The following CTPS1 variants were observed in gnomAD, a reference collection of about 807,000 sequenced individuals.
CTPS1 encodes CTP synthetase 1.
Under a neutral mutation model 80.5 loss-of-function variants are expected in CTPS1, and 25 were observed. The observed-to-expected ratio is 0.31, with a 90% CI of 0.23 to 0.43. The LOEUF is 0.43. Among genes scored for constraint, CTPS1 ranks in the 20% least tolerant of loss-of-function variants. The pLI, the probability that CTPS1 is intolerant of heterozygous loss-of-function variation, is 1.00. For synonymous variants in CTPS1, 267 were observed against 252.5 expected (o/e 1.06, Z -0.54); for missense variants, 442 against 725.7 (o/e 0.61, Z 4.49).
chr1:41,002,842 T>TG (rs1642936409), intron 11 of CTPS1, among the ~76,000 whole-genome samples: 1 of 152,130 alleles, frequency 6.6e-6, no homozygotes, highest in South Asian at 2.1e-4. Flanking sequence ...AGACCCTGTC[T>TG]GGGGGGAAAA....
intron 5 of CTPS1, among the ~76,000 whole-genome samples, chr1:40,990,188 CTG>C (rs934252703): frequency 1.8e-4 from 28 of 152,298 alleles, no homozygotes; most frequent in African/African-American, 6.3e-4. Flanking sequence ...GTGGCAGAGA[CTG>C]TGTGGCCCAC....
rs372743741 is a variant in CTPS1 at position 40,997,401 on chromosome 1, C to T, written c.880C>T (p.Arg294Cys). 24 of 1,613,166 alleles carry T rather than the reference C, an allele frequency of 1.5e-5. No homozygotes were observed. Among genetic ancestry groups the T allele is most frequent in the African/African-American group, 9.3e-5 (7 of 74,952 alleles). The stretch of plus-strand genomic sequence containing the variant: ...TTGACGTTTATTTGATAGATATGAT[C>T]GCTTGCTGGAGACCTGCTCTATTGC... The part of the protein sequence containing the change: ...KWKEMADRYD[R>C]LLETCSIALV... Residue 294 changes from arginine to cysteine, a missense_variant, in exon 9 of 19, where the codon CGC (arginine) becomes TGC (cysteine). Arg to Cys is a radical substitution (Grantham distance 180). Transcript: ENST00000650070.
intron 7 of CTPS1, 112 bp from the exon 8 acceptor site, chr1:40,995,805 C>T: frequency 1.8e-6 from 2 of 1,112,190 alleles, no homozygotes; most frequent in South Asian, 1.6e-5. Context: ...GAAAATTGTC[C>T]TTTTTTCTGT....
intron 18 of CTPS1, among the ~76,000 whole-genome samples, chr1:41,011,145 G>A (rs1334053088): frequency 3.3e-5 from 5 of 152,202 alleles, no homozygotes; most frequent in African/African-American, 4.8e-5. Context: ...TCCTGCCTTG[G>A]TTGGTTGACC....
intron 5 of CTPS1, among the ~76,000 whole-genome samples, chr1:40,988,981 G>A (rs184172588): frequency 3.3e-5 from 5 of 152,186 alleles, no homozygotes; most frequent in South Asian, 2.1e-4. Context: ...GAGTAAAGAG[G>A]CTGTTTTTAA....
chr1:40,998,674 T>C (rs1368861448), intron 9 of CTPS1, among the ~76,000 whole-genome samples: 1 of 152,218 alleles, frequency 6.6e-6, no homozygotes, highest in Non-Finnish European at 1.5e-5. Context: ...GTCCCCTTTA[T>C]TCCTTTTCTT....
intron 18 of CTPS1, among the ~76,000 whole-genome samples, chr1:41,010,531 A>G (rs1241987417): frequency 6.6e-6 from 1 of 152,156 alleles, no homozygotes; most frequent in Non-Finnish European, 1.5e-5. Context: ...TTGTCTCAAT[A>G]CTGATTACTA....
chr1:40,990,986 G>T (rs910875190), intron 5 of CTPS1, among the ~76,000 whole-genome samples, 179 bp from the exon 6 acceptor site: 3 of 152,180 alleles, frequency 2.0e-5, no homozygotes, highest in Non-Finnish European at 4.4e-5. Context: ...TACAAGCTCG[G>T]TTAGAACCAT....
Position 41,012,071 on chromosome 1 carries a change from G to A in CTPS1, c.*423G>A, listed in dbSNP as rs1643186543. The A allele has an allele frequency of 6.6e-6, 1 of 152,228 alleles. No individual in the cohort carries two copies. Among genetic ancestry groups the A allele is most frequent in the Non-Finnish European group, 1.5e-5 (1 of 68,072 alleles). 9.4% of individuals were successfully genotyped at this position (152,228 alleles called of 1,614,324 possible). A position where few individuals can be genotyped will look rare whatever the true frequency, so the allele number is the denominator to read the frequency against. On this transcript the variant is annotated 3_prime_UTR_variant, in exon 19 of 19. Coordinates refer to ENST00000650070, the MANE Select transcript of CTPS1 (RefSeq NM_001905.4). ...GGAGAGAGGATTTTAGCTAGGATTT[G>A]AACACTTGGTGCTGGGAACCTCAGG...
intron 7 of CTPS1, 103 bp from the exon 8 acceptor site, chr1:40,995,814 G>C (rs753651091): frequency 3.9e-5 from 47 of 1,220,208 alleles, no homozygotes; most frequent in Non-Finnish European, 5.4e-5. Context: ...CCTTTTTTCT[G>C]TTTTCAAATA....
intron 7 of CTPS1, among the ~76,000 whole-genome samples, chr1:40,993,774 C>CTTTTTTTTT (rs71278720): frequency 6.5e-4 from 56 of 85,798 alleles, no homozygotes; most frequent in Middle Eastern, 0.011. Context: ...TTTCTTCTCT[C>CTTTTTTTTT]TTTTTTTTTT....
At position 40,985,195 on chromosome 1, in the gene CTPS1, A is replaced by G. The variant is rs1489821665; in HGVS notation, c.337+204A>G. Among the ~76,000 whole-genome samples the G allele has an allele frequency of 4.6e-5, 7 of 152,382 alleles. No homozygotes were observed. The South Asian group carries it at 1.4e-3, about 32-fold the overall frequency. ...ATTATATTGTTGTTTGCTAAAAAAA[A>G]TAATTTGAAGAACTACTTCTTCGTT... On this transcript the variant is annotated intron_variant, in intron 3 of 18. Transcript: ENST00000650070.
Position 40,987,444 on chromosome 1 carries a change from G to A in CTPS1, c.410G>A (p.Gly137Asp). 6.2e-7 allele frequency: 1 copy of A among 1,613,558 alleles called. No individual in the cohort carries two copies. The highest frequency in any genetic ancestry group is 1.1e-5 in the South Asian group (1 of 91,008). The change falls in exon 4 of 19, where the codon GGC becomes GAC. Residue 137 changes from glycine to aspartate, a missense_variant. By Grantham distance (94) the Gly-to-Asp change is moderately conservative (BLOSUM62 -1). Around this residue, in one of 4 missense-constraint regions of CTPS1, gnomAD observed 69 missense variants for 102.1 expected, o/e 0.68. Coordinates refer to ENST00000650070, the MANE Select transcript of CTPS1 (RefSeq NM_001905.4). ...GCGTTAATACCTGTAGATGAAGATG[G>A]CCTGGAACCTCAAGTGTGTGTTATT... is the stretch of plus-strand genomic sequence containing the variant. Reference protein sequence around the residue: ...RQALIPVDEDGLEPQVCVIEL... With the variant: ...RQALIPVDEDDLEPQVCVIEL...
chr1:40,985,051 C>A, intron 3 of CTPS1, 60 bp downstream of exon 3: 1 of 1,248,618 alleles, frequency 8.0e-7, no homozygotes, highest in Non-Finnish European at 1.1e-6. Context: ...TCTTCTCCCT[C>A]CCACCTCTAC....
At chr1:40,983,662 C>T (rs1383918562) in intron 2 of CTPS1, among the ~76,000 whole-genome samples, 1 of 151,018 alleles carries the variant, frequency 6.6e-6, no homozygotes, top group Non-Finnish European at 1.5e-5. Flanking sequence ...CCACTCTGTC[C>T]CTCAGGCTGG....
At position 41,003,097 on chromosome 1, in the gene CTPS1, T is replaced by C; in HGVS notation, c.1190-17T>C. 2.5e-6 allele frequency: 4 copies of C among 1,614,140 alleles called. No homozygotes were observed. Among genetic ancestry groups the C allele is most frequent in the African/African-American group, 1.3e-5 (1 of 75,062 alleles). ...TTTTCAATGGAGTTTTGTTTGTTTT[T>C]TCCCCCCGACTGGAAGGCGTGTGCT... On this transcript the variant is annotated splice_polypyrimidine_tract_variant and intron_variant, in intron 11 of 18. Transcript: ENST00000650070.
Position 40,995,957 on chromosome 1 carries a change from C to A in CTPS1, c.761C>A (p.Pro254His). The A allele has an allele frequency of 6.2e-7, 1 of 1,614,162 alleles. No homozygotes were observed. Among genetic ancestry groups the A allele is most frequent in the Non-Finnish European group, 8.5e-7 (1 of 1,180,034 alleles). Residue 254 changes from proline to histidine, a missense_variant, in exon 8 of 19, where the codon CCC becomes CAC. By Grantham distance (77) the Pro-to-His change is moderately conservative. Around this residue, in one of 4 missense-constraint regions of CTPS1, gnomAD observed 321 missense variants for 467.2 expected, o/e 0.69. Coordinates refer to ENST00000650070, the MANE Select transcript of CTPS1 (RefSeq NM_001905.4). Reference protein sequence around the residue: ...VHDVSSIYRVPLLLEEQGVVD... With the variant: ...VHDVSSIYRVHLLLEEQGVVD... ...GATGTCTCATCCATCTACCGAGTCC[C>A]CTTGTTGTTAGAGGAGCAAGGGGTT...
intron 12 of CTPS1, among the ~76,000 whole-genome samples, chr1:41,003,733 G>A (rs1033784048): frequency 1.3e-5 from 2 of 152,176 alleles, no homozygotes; most frequent in African/African-American, 4.8e-5. Context: ...TCAGCTCTTC[G>A]CCTAGCTGTG....
intron 1 of CTPS1, chr1:40,980,405 C>T (rs1187438353): frequency 6.6e-6 from 1 of 152,436 alleles, no homozygotes; most frequent in Non-Finnish European, 1.5e-5. Flanking sequence ...GGCCTCACGG[C>T]TTCCTCCCTT....
Sources: allele counts gnomAD v4.1 joint callset (sites outside exome capture counted in the v4.1 genomes callset), GRCh38; gene constraint gnomAD v4.1.1; regional missense constraint gnomAD v4.1.1; transcripts MANE v1.5; gene names NCBI Gene and HGNC (gene_info 2026-07-23, HGNC 2026-07-21).